PDE3B: variants seen among roughly 807,000 people sequenced by gnomAD.
PDE3B encodes phosphodiesterase 3B.
PDE3B carries 66 observed loss-of-function variants against 116.8 expected under a neutral mutation model. The ratio of observed to expected loss-of-function variants is 0.56; its 90% CI spans 0.46 to 0.69. The LOEUF is 0.69. PDE3B is among the 30% of genes least tolerant of loss of function. The pLI is 0.00. For synonymous variants in PDE3B, 595 were observed against 533.6 expected (o/e 1.12, Z -1.59); for missense variants, 1,384 against 1,368.1 (o/e 1.01, Z -0.18).
chr11:14,869,381 C>T (rs1240032535), intron 15 of PDE3B, 80 bp from the exon 16 acceptor site: 19 of 1,129,930 alleles, frequency 1.7e-5, no homozygotes, highest in Non-Finnish European at 2.4e-5. Context: ...TGCTTAGATA[C>T]CTAGAATAGG....
chr11:14,657,739 G>C (rs552946854), intron 1 of PDE3B, among the ~76,000 whole-genome samples: 37 of 152,076 alleles, frequency 2.4e-4, no homozygotes, highest in Admixed American at 1.3e-3. Flanking sequence ...ATTATTCTTA[G>C]GAGTTTAATG....
intron 1 of PDE3B, among the ~76,000 whole-genome samples, chr11:14,646,598 C>T (rs1352254525): frequency 6.6e-6 from 1 of 152,122 alleles, no homozygotes; most frequent in African/African-American, 2.4e-5. Flanking sequence ...CATTTTTTAA[C>T]ACTGGAAAAT....
At chr11:14,668,101 G>T (rs1741638513) in intron 1 of PDE3B, among the ~76,000 whole-genome samples, 1 of 151,910 alleles carries the variant, frequency 6.6e-6, no homozygotes, top group Admixed American at 6.6e-5. Context: ...GGAAGAAAGG[G>T]GGAGACATCC....
chr11:14,725,325 TTC>T (rs1565109708), intron 1 of PDE3B, among the ~76,000 whole-genome samples: 1 of 150,796 alleles, frequency 6.6e-6, no homozygotes, highest in African/African-American at 2.4e-5. Flanking sequence ...CTTTCTTTCT[TTC>T]TTTTTCTTTC....
Position 14,698,349 on chromosome 11 carries a change from A to T in PDE3B, c.978+53296A>T, listed in dbSNP as rs558216292. ...TTGTTAATGTAGTGAATTACTTTTT[A>T]AAAAAATTTTAATTTCTTTTTAAAG... On this transcript the variant is annotated intron_variant, in intron 1 of 15. Coordinates refer to ENST00000282096, the MANE Select transcript of PDE3B (RefSeq NM_000922.4). 1.7e-3 allele frequency among the ~76,000 whole-genome samples: 257 copies of T among 151,972 alleles called. 4 individuals carry two copies. Among genetic ancestry groups the T allele is most frequent in the African/African-American group, 3.5e-3 (144 of 41,488 alleles).
At chr11:14,802,442 C>T (rs777673036) in intron 4 of PDE3B, among the ~76,000 whole-genome samples, 5 of 152,132 alleles carry the variant, frequency 3.3e-5, no homozygotes, top group Non-Finnish European at 7.4e-5. Flanking sequence ...TGAGGTGATG[C>T]CCCACCCTGC....
chr11:14,894,245 G>A, the PDE3B span, among the ~76,000 whole-genome samples: 1 of 152,174 alleles, frequency 6.6e-6, no homozygotes, highest in Non-Finnish European at 1.5e-5. Flanking sequence ...AAAAATAATT[G>A]TGAGAGATCA....
At chr11:14,867,416 T>C in intron 14 of PDE3B, 90 bp from the exon 15 acceptor site, 1 of 1,116,428 alleles carries the variant, frequency 9.0e-7, no homozygotes, top group Non-Finnish European at 1.3e-6. Flanking sequence ...GATTGTTTAT[T>C]TTAAAAAAAC....
intron 1 of PDE3B, among the ~76,000 whole-genome samples, chr11:14,655,941 T>G (rs1451357898): frequency 1.3e-5 from 2 of 152,306 alleles, no homozygotes; most frequent in East Asian, 3.9e-4. Context: ...TTTTGATTTA[T>G]TCAGTGGAAG....
At chr11:14,679,362 G>C (rs1188172686) in intron 1 of PDE3B, among the ~76,000 whole-genome samples, 4 of 151,948 alleles carry the variant, frequency 2.6e-5, no homozygotes, top group Non-Finnish European at 5.9e-5. Flanking sequence ...CCACTCTGTG[G>C]AGTGTACTTT....
At chr11:14,877,612 T>G in the PDE3B span, 1 of 152,584 alleles carries the variant, frequency 6.6e-6, no homozygotes, top group Non-Finnish European at 1.5e-5. Flanking sequence ...TAAATACATA[T>G]TTCTTCTACC....
intron 11 of PDE3B, among the ~76,000 whole-genome samples, chr11:14,840,023 A>G (rs566063068): frequency 6.6e-6 from 1 of 152,334 alleles, no homozygotes; most frequent in South Asian, 2.1e-4. Flanking sequence ...AGGCAAATTC[A>G]TGACTTCTGA....
At chr11:14,808,804 G>A (rs2350239) in intron 5 of PDE3B, among the ~76,000 whole-genome samples, 18,116 of 152,056 alleles carry the variant, frequency 0.12, 1,370 homozygotes, top group African/African-American at 0.22. Context: ...AATAAATTTA[G>A]CAAAATAGTA....
intron 15 of PDE3B, among the ~76,000 whole-genome samples, chr11:14,868,141 G>A (rs952513248): frequency 9.9e-5 from 15 of 152,138 alleles, no homozygotes; most frequent in Admixed American, 7.2e-4. Context: ...TCTATATGCC[G>A]GGTACTGGGT....
At chr11:14,844,689 G>A (rs979605379) in intron 12 of PDE3B, among the ~76,000 whole-genome samples, 6 of 152,218 alleles carry the variant, frequency 3.9e-5, no homozygotes, top group African/African-American at 1.2e-4. Context: ...ATTACATCCC[G>A]CACCTGGCTC....
chr11:14,733,084 T>G lies in PDE3B; in HGVS notation c.979-38853T>G, dbSNP rs567760286. Among the ~76,000 whole-genome samples the G allele has an allele frequency of 3.9e-5, 6 of 152,212 alleles. 1 individual carries two copies. The highest frequency in any genetic ancestry group is 3.9e-4 in the Admixed American group (6 of 15,266). ...TATTTTTTGAACAGTAGTATGCATA[T>G]TGCTTTACAAAATGACAGTGTAAAA... On this transcript the variant is annotated intron_variant, in intron 1 of 15. Transcript: ENST00000282096.
chr11:14,862,597 A>T (rs1473811637), intron 14 of PDE3B, among the ~76,000 whole-genome samples: 2 of 152,140 alleles, frequency 1.3e-5, no homozygotes, highest in Non-Finnish European at 2.9e-5. Flanking sequence ...TTTTTGAGAC[A>T]GAGGCTTTCT....
At chr11:14,726,957 GAATTTGC>G (rs1454888560) in intron 1 of PDE3B, among the ~76,000 whole-genome samples, 1 of 152,098 alleles carries the variant, frequency 6.6e-6, no homozygotes, top group African/African-American at 2.4e-5. Context: ...AGAGTTTTCT[GAATTTGC>G]AATTCATTCA....
At chr11:14,866,207 A>G (rs2133995454) in intron 14 of PDE3B, among the ~76,000 whole-genome samples, 1 of 152,308 alleles carries the variant, frequency 6.6e-6, no homozygotes, top group South Asian at 2.1e-4. Flanking sequence ...ATATATCACT[A>G]AAAACAATAT....
Sources: gnomAD v4.1 joint callset for allele counts (sites outside exome capture counted in the v4.1 genomes callset) on GRCh38, gnomAD v4.1.1 for gene constraint, MANE v1.5 for transcripts, NCBI Gene and HGNC (gene_info 2026-07-23, HGNC 2026-07-21) for gene names.